Variants in TONSL observed in about 807,000 individuals in gnomAD.
TONSL encodes tonsoku-like protein.
In TONSL, 112 loss-of-function variants were observed where a neutral mutation model predicts 147.1. That is an observed-to-expected ratio of 0.76 (90% CI 0.65 to 0.89). The LOEUF (loss-of-function observed/expected upper bound fraction) is 0.89, where lower values mean the gene tolerates loss of function less well. Ranked by LOEUF, TONSL falls within the 40% of genes least tolerant of loss-of-function variation. The probability of loss-of-function intolerance (pLI) is 0.00; values close to 1 mark genes in which losing one functional copy is unlikely to be tolerated. For missense variants in TONSL, 1,883 were observed against 1,864.6 expected, an observed-to-expected ratio of 1.01 and a Z score of -0.18; for synonymous variants, 868 against 801.5, an observed-to-expected ratio of 1.08 and a Z score of -1.40.
chr8:144,440,001 A>T lies in TONSL; in HGVS notation c.1480+20T>A. ...GCCCAGAGCAGGCCCAGGGAAATGC[A>T]AGGTGCCGCTGGCCCTCACCGCCCT... On this transcript the variant is annotated intron_variant, in intron 11 of 25. Transcript: ENST00000409379. The T allele has an allele frequency of 1.0e-6, 1 of 959,884 alleles. No homozygotes were observed. Among genetic ancestry groups the T allele is most frequent in the Non-Finnish European group, 1.7e-6 (1 of 587,258 alleles). 59.5% of individuals were successfully genotyped at this position (959,884 alleles called of 1,614,324 possible).
intron 23 of TONSL, among the ~76,000 whole-genome samples, chr8:144,431,511 TTTC>T (rs1459782989): frequency 6.6e-6 from 1 of 151,642 alleles, no homozygotes; most frequent in Non-Finnish European, 1.5e-5. Context: ...CAGCTGTTTT[TTTC>T]TTTTTTTGTT....
At chr8:144,441,587 G>A (rs12543178) in intron 7 of TONSL, 95,339 of 188,824 alleles carry the variant, frequency 0.5, 24,502 homozygotes, top group Middle Eastern at 0.62. Context: ...GCGAGACTCC[G>A]TCTCAAGAAA....
Position 144,438,549 on chromosome 8 carries a change from T to C in TONSL, c.1575A>G (p.Arg525=). The C allele has an allele frequency of 6.2e-7, 1 of 1,612,824 alleles. No individual in the cohort carries two copies. The highest frequency in any genetic ancestry group is 1.7e-5 in the Admixed American group (1 of 60,002). The change falls in exon 13 of 26, where the codon CGA becomes CGG. Residue 525 remains arginine, a synonymous_variant. Coordinates refer to ENST00000409379, the MANE Select transcript of TONSL (RefSeq NM_013432.5). ...GCAGCAGGGTCTCCCCCATGTCGTT[T>C]CGCCGGTTCCACTGTGGGCACAGCC... ...GRRKGSKWNR[R]NDMGETLLHR... is the part of the protein sequence containing the mutation.
chr8:144,436,524 C>T (rs772529120), intron 16 of TONSL, 34 bp downstream of exon 16: 3 of 1,600,086 alleles, frequency 1.9e-6, no homozygotes, highest in Non-Finnish European at 1.7e-6. Flanking sequence ...AGCGTAGGCA[C>T]AGCAACCCCA....
In TONSL at chr8:144,434,033, C is replaced by T. The variant is rs2130844024; in HGVS notation, c.3332G>A (p.Gly1111Asp). 6.2e-7 allele frequency: 1 copy of T among 1,609,148 alleles called. No individual in the cohort carries two copies. The highest frequency in any genetic ancestry group is 8.5e-7 in the Non-Finnish European group (1 of 1,177,460). ...ALLDLSSNHL[G>D]PEGLRQLAMG... ...GGCAAGCTGGCGCAGGCCTTCGGGA[C>T]CCAGGTGATTGGAGGAGAGGTCAAG... The change falls in exon 21 of 26, where the codon GGT becomes GAT. Residue 1111 changes from glycine to aspartate, a missense_variant. Physicochemically the swap from Gly to Asp is moderately conservative, Grantham distance 94 (BLOSUM62 -1). Transcript: ENST00000409379.
intron 9 of TONSL, 78 bp downstream of exon 9, chr8:144,440,640 C>T: frequency 6.4e-7 from 1 of 1,554,308 alleles, no homozygotes; most frequent in South Asian, 1.2e-5. Flanking sequence ...GACACCTGTC[C>T]ATGGCCACCC....
Position 144,430,398 on chromosome 8 carries a change from A to T in TONSL, c.3943+6T>A, listed in dbSNP as rs376435652. 2.7e-5 allele frequency: 44 copies of T among 1,600,978 alleles called. No homozygotes were observed. The East Asian group carries it at 3.8e-4, about 14-fold the overall frequency. On this transcript the variant is annotated splice_donor_region_variant and intron_variant, in intron 25 of 25. Transcript: ENST00000409379. ...TGGCAGGCGTGGCCACCATACCAGCACTCACCTGACAGGCCAAGGAAGCTA... is the reference window on the plus strand; with the variant it reads ...TGGCAGGCGTGGCCACCATACCAGCTCTCACCTGACAGGCCAAGGAAGCTA...
At chr8:144,437,385 G>A (rs1240487725) in intron 13 of TONSL, among the ~76,000 whole-genome samples, 1 of 152,224 alleles carries the variant, frequency 6.6e-6, no homozygotes, top group East Asian at 1.9e-4. Flanking sequence ...GGCGGGGCGG[G>A]AAGGTGCCCA....
In TONSL at chr8:144,440,434, C is replaced by T. The variant is rs1823666447; in HGVS notation, c.1207G>A (p.Ala403Thr). Residue 403 changes from alanine to threonine, a missense_variant, in exon 10 of 26, where the codon GCC (alanine) becomes ACC (threonine). By Grantham distance (58) the Ala-to-Thr change is moderately conservative. Coordinates refer to ENST00000409379, the MANE Select transcript of TONSL (RefSeq NM_013432.5). ...GCCAGCAGCTCGTAGGCATCGCCGG[C>T]CTCCTCGCGGGACAGTGCAATGTTC... Reference protein sequence around the residue: ...WLNIALSREEAGDAYELLAPC... With the variant: ...WLNIALSREETGDAYELLAPC... The T allele has an allele frequency of 6.2e-7, 1 of 1,608,660 alleles. No individual in the cohort carries two copies. Among genetic ancestry groups the T allele is most frequent in the East Asian group, 2.2e-5 (1 of 44,752 alleles).
At chr8:144,434,340 G>A (rs1218258914) in intron 20 of TONSL, 61 bp from the exon 21 acceptor site, 8 of 1,402,582 alleles carry the variant, frequency 5.7e-6, no homozygotes, top group Non-Finnish European at 7.5e-6. Context: ...CTGAATCCCA[G>A]AGGGCAAACC....
intron 23 of TONSL, 82 bp downstream of exon 23, chr8:144,432,203 G>A (rs1249101572): frequency 1.4e-5 from 21 of 1,456,938 alleles, no homozygotes; most frequent in Admixed American, 1.9e-5. Context: ...CCGAATCTGG[G>A]GAGAGGCGAG....
chr8:144,441,321 A>G, intron 7 of TONSL: 2 of 670,726 alleles, frequency 3.0e-6, no homozygotes, highest in East Asian at 2.9e-5. Context: ...GGCCAGGTAC[A>G]GTGGCTCACG....
intron 7 of TONSL, 182 bp from the exon 8 acceptor site, chr8:144,441,293 A>C: frequency 2.3e-6 from 2 of 876,086 alleles, no homozygotes; most frequent in Non-Finnish European, 3.4e-6. Flanking sequence ...ACAAGAACTA[A>C]CACACTTAAA....
chr8:144,442,125 CAAA>C lies in TONSL; in HGVS notation c.774_776del (p.Phe258del), dbSNP rs1246994520. 6.2e-7 allele frequency: 1 copy of C among 1,612,028 alleles called. No homozygotes were observed. Among genetic ancestry groups the C allele is most frequent in the Non-Finnish European group, 8.5e-7 (1 of 1,179,622 alleles). On this transcript the variant is annotated inframe_deletion, in exon 7 of 26. Transcript: ENST00000409379. ...CCTTCTTCAGGGCTCGCTTGGCAGC[CAAA>C]AAGTCTCCCAGGTCTTGGAGGACCT...
chr8:144,441,197 G>GC lies in TONSL; in HGVS notation c.866-87dup, dbSNP rs1380433534. 43 of 1,529,000 alleles carry GC rather than the reference G, an allele frequency of 2.8e-5. 1 individual carries two copies. The Middle Eastern group carries it at 9.3e-4, about 33-fold the overall frequency. 94.7% of individuals were successfully genotyped at this position (1,529,000 alleles called of 1,614,324 possible). The stretch of plus-strand genomic sequence containing the variant: ...CCTGCAAGCTGTGAGCCCTGTGGTG[G>GC]CCCCCCCACTCTCTCCACACCTCTG... On this transcript the variant is annotated intron_variant, in intron 7 of 25. Coordinates refer to ENST00000409379, the MANE Select transcript of TONSL (RefSeq NM_013432.5).
chr8:144,436,156 C>T lies in TONSL; in HGVS notation c.2277G>A (p.Arg759=), dbSNP rs1296137715. The T allele has an allele frequency of 6.4e-7, 1 of 1,573,048 alleles. No individual in the cohort carries two copies. Among genetic ancestry groups the T allele is most frequent in the African/African-American group, 1.3e-5 (1 of 74,432 alleles). The change falls in exon 17 of 26, where the codon AGG becomes AGA. Residue 759 remains arginine (R), a synonymous_variant. Transcript: ENST00000409379. The part of the protein sequence containing the change: ...SAGPARPSQK[R]PRCSATAQRV... ...GTTGTGCTGTGGCCGAGCACCGAGG[C>T]CTCTTCTGGGACGGCCGTGCGGGGC...
chr8:144,432,934 TC>T (rs782641840), intron 22 of TONSL: 9 of 154,912 alleles, frequency 5.8e-5, no homozygotes, highest in Non-Finnish European at 8.6e-5. Flanking sequence ...CGGACTCTGC[TC>T]TCGGTGTGTC....
intron 13 of TONSL, among the ~76,000 whole-genome samples, chr8:144,438,031 C>T (rs984682994): frequency 1.3e-5 from 2 of 152,100 alleles, no homozygotes; most frequent in Non-Finnish European, 2.9e-5. Flanking sequence ...ACCTCCAAAG[C>T]AGCTGAGACT....
rs1586697061 is a variant in TONSL at position 144,442,262 on chromosome 8, C to T, written c.729G>A (p.Glu243=). ...HTMRKRFMES[E]CCVVIAQVLQ... ...GTACCTGTGCAATAACCACGCAGCA[C>T]TCGCTCTCCATGAACCGCTTCCTCA... is the stretch of plus-strand genomic sequence containing the variant. Residue 243 remains glutamate, a synonymous_variant, in exon 6 of 26, where the codon GAG becomes GAA. Transcript: ENST00000409379. The T allele has an allele frequency of 3.1e-6, 5 of 1,592,302 alleles. No individual in the cohort carries two copies. The East Asian group carries it at 1.1e-4, about 36-fold the overall frequency.
Sources: allele counts gnomAD v4.1 joint callset (sites outside exome capture counted in the v4.1 genomes callset), GRCh38; gene constraint gnomAD v4.1.1; transcripts MANE v1.5; gene names NCBI Gene and HGNC (gene_info 2026-07-23, HGNC 2026-07-21).